LSAMP: variants seen among roughly 807,000 people sequenced by gnomAD.
LSAMP encodes limbic system associated membrane protein, also known as limbic system-associated membrane protein.
A neutral mutation model predicts 38.6 loss-of-function variants in LSAMP; 7 were observed. That is an observed-to-expected ratio of 0.18 (90% confidence interval 0.10 to 0.34). LSAMP has a LOEUF of 0.34. Ranked by LOEUF, LSAMP falls within the 10% of genes least tolerant of loss-of-function variation. The probability of loss-of-function intolerance (pLI) is 1.00; values close to 1 mark genes in which losing one functional copy is unlikely to be tolerated. For synonymous variants in LSAMP, 154 were observed against 166.8 expected, an observed-to-expected ratio of 0.92 and a Z score of 0.59; for missense variants, 313 against 420.0, an observed-to-expected ratio of 0.75 and a Z score of 2.23.
chr3:116,098,092 A>G (rs909252843), intron 1 of LSAMP, among the ~76,000 whole-genome samples: 1 of 152,200 alleles, frequency 6.6e-6, no homozygotes, highest in African/African-American at 2.4e-5. Flanking sequence ...AGGGGACTCC[A>G]GTAGCTGCAA....
At chr3:116,036,162 G>A (rs1470030441) in intron 2 of LSAMP, among the ~76,000 whole-genome samples, 1 of 152,188 alleles carries the variant, frequency 6.6e-6, no homozygotes, top group Non-Finnish European at 1.5e-5. Flanking sequence ...TCATTAAGAA[G>A]AGAAAATTAC....
At chr3:116,015,868 A>G (rs1482428003) in intron 3 of LSAMP, among the ~76,000 whole-genome samples, 2 of 152,130 alleles carry the variant, frequency 1.3e-5, no homozygotes, top group African/African-American at 4.8e-5. Context: ...ACAGATAATC[A>G]GGTATTGTGA....
chr3:116,107,724 G>A (rs1708500838), intron 1 of LSAMP, among the ~76,000 whole-genome samples: 2 of 152,204 alleles, frequency 1.3e-5, no homozygotes, highest in African/African-American at 4.8e-5. Context: ...AGCCTGATGG[G>A]TGTCAGGGTC....
intron 3 of LSAMP, among the ~76,000 whole-genome samples, chr3:115,999,159 A>G (rs1939913208): frequency 6.6e-6 from 1 of 152,170 alleles, no homozygotes; most frequent in African/African-American, 2.4e-5. Flanking sequence ...TGAGGCTTTG[A>G]GATCAGCCTT....
intron 1 of LSAMP, among the ~76,000 whole-genome samples, chr3:116,353,689 G>T (rs1559838734): frequency 6.6e-6 from 1 of 151,984 alleles, no homozygotes; most frequent in Non-Finnish European, 1.5e-5. Context: ...GAGGCAAAGA[G>T]TATAGGGATA....
At chr3:115,902,415 A>G (rs373281989) in intron 3 of LSAMP, among the ~76,000 whole-genome samples, 1 of 152,148 alleles carries the variant, frequency 6.6e-6, no homozygotes, top group Admixed American at 6.6e-5. Context: ...CCTATGCAAT[A>G]CCATTCTAGA....
chr3:115,875,283 C>T (rs1246340800), intron 3 of LSAMP, among the ~76,000 whole-genome samples: 1 of 152,108 alleles, frequency 6.6e-6, no homozygotes, highest in Non-Finnish European at 1.5e-5. Context: ...TTTAACTTCA[C>T]TTCCTGAATA....
chr3:116,342,480 T>G (rs1218879476), intron 1 of LSAMP, among the ~76,000 whole-genome samples: 1 of 152,084 alleles, frequency 6.6e-6, no homozygotes, highest in Non-Finnish European at 1.5e-5. Context: ...CTCAAATGTA[T>G]GAACAAAGGA....
intron 1 of LSAMP, among the ~76,000 whole-genome samples, chr3:116,342,513 A>G (rs995877222): frequency 6.6e-6 from 1 of 152,074 alleles, no homozygotes; most frequent in African/African-American, 2.4e-5. Context: ...TTTCTCCACA[A>G]AGAAATCTCT....
At chr3:116,372,422 T>C (rs1406096646) in intron 1 of LSAMP, among the ~76,000 whole-genome samples, 1 of 151,832 alleles carries the variant, frequency 6.6e-6, no homozygotes, top group Non-Finnish European at 1.5e-5. Flanking sequence ...TAACTGAAAG[T>C]GAATAAGGGA....
chr3:115,893,013 C>T (rs1338794189), intron 3 of LSAMP, among the ~76,000 whole-genome samples: 3 of 151,594 alleles, frequency 2.0e-5, no homozygotes, highest in East Asian at 1.9e-4. Context: ...CAACTTTATA[C>T]AAAACATAAA....
At chr3:116,297,697 A>T (rs1318976229) in intron 1 of LSAMP, among the ~76,000 whole-genome samples, 1 of 152,184 alleles carries the variant, frequency 6.6e-6, no homozygotes, top group Non-Finnish European at 1.5e-5. Context: ...ACATGGGGTG[A>T]TTTGAAGACA....
At chr3:116,378,824 T>C (rs1240204970) in intron 1 of LSAMP, among the ~76,000 whole-genome samples, 1 of 152,048 alleles carries the variant, frequency 6.6e-6, no homozygotes, top group Non-Finnish European at 1.5e-5. Flanking sequence ...GGTAGATATG[T>C]CTATAAGATA....
At chr3:116,217,809 A>G (rs945384837) in intron 1 of LSAMP, among the ~76,000 whole-genome samples, 1 of 152,194 alleles carries the variant, frequency 6.6e-6, no homozygotes, top group Non-Finnish European at 1.5e-5. Flanking sequence ...CCATCTCTGT[A>G]GCACACTGCT....
chr3:116,209,321 C>G (rs1379154660), intron 1 of LSAMP, among the ~76,000 whole-genome samples: 2 of 152,186 alleles, frequency 1.3e-5, no homozygotes, highest in East Asian at 3.9e-4. Context: ...GTGAGATGAA[C>G]CCAGTACCTC....
At chr3:115,865,823 G>T (rs1023176172) in intron 3 of LSAMP, among the ~76,000 whole-genome samples, 2 of 152,122 alleles carry the variant, frequency 1.3e-5, no homozygotes, top group African/African-American at 4.8e-5. Context: ...AGGGAGTTAG[G>T]TTAACCCCAG....
chr3:116,304,495 T>C (rs1459528307), intron 1 of LSAMP, among the ~76,000 whole-genome samples: 1 of 151,888 alleles, frequency 6.6e-6, no homozygotes, highest in African/African-American at 2.4e-5. Flanking sequence ...AAGTTCAAAG[T>C]ATGAAGGATG....
At chr3:115,884,451 A>G (rs1352785081) in intron 3 of LSAMP, among the ~76,000 whole-genome samples, 1 of 152,098 alleles carries the variant, frequency 6.6e-6, no homozygotes, top group African/African-American at 2.4e-5. Flanking sequence ...TAAAATAGAC[A>G]TTAAATATTC....
At chr3:116,051,756 G>A (rs1941400470) in intron 2 of LSAMP, among the ~76,000 whole-genome samples, 2 of 152,082 alleles carry the variant, frequency 1.3e-5, no homozygotes, top group South Asian at 2.1e-4. Context: ...CCCAGAAAGC[G>A]ATGAGGGCCT....
Sources: gnomAD v4.1 joint callset for allele counts (sites outside exome capture counted in the v4.1 genomes callset) on GRCh38, gnomAD v4.1.1 for gene constraint, MANE v1.5 for transcripts, NCBI Gene and HGNC (gene_info 2026-07-23, HGNC 2026-07-21) for gene names.